The following MYOCD variants were observed in gnomAD, a reference collection of about 807,000 sequenced individuals.
MYOCD encodes the protein myocardin.
In MYOCD, 32 loss-of-function variants were observed where a neutral mutation model predicts 96.1. The observed-to-expected ratio is 0.33, with a 90% CI of 0.25 to 0.45. MYOCD has a LOEUF of 0.45. Among genes scored for constraint, MYOCD ranks in the 20% least tolerant of loss-of-function variants. MYOCD has a pLI of 1.00. For synonymous variants in MYOCD, 469 were observed against 469.0 expected (o/e 1.00, Z 0.00); for missense variants, 1,133 against 1,200.6 (o/e 0.94, Z 0.83).
At chr17:12,681,946 A>C (rs1910491880) in intron 1 of MYOCD, among the ~76,000 whole-genome samples, 1 of 152,202 alleles carries the variant, frequency 6.6e-6, no homozygotes, top group African/African-American at 2.4e-5. Context: ...GCTAGGGAAC[A>C]GTTATCATTG....
At chr17:12,693,554 G>A in intron 1 of MYOCD, among the ~76,000 whole-genome samples, 1 of 151,552 alleles carries the variant, frequency 6.6e-6, no homozygotes, top group East Asian at 1.9e-4. Context: ...CGGTGGCAGT[G>A]AGCCAAGATT....
intron 5 of MYOCD, 147 bp downstream of exon 5, chr17:12,723,155 T>C (rs886694333): frequency 2.7e-6 from 2 of 748,812 alleles, no homozygotes; most frequent in Non-Finnish European, 4.2e-6. Flanking sequence ...TAATTCTCCA[T>C]AACCAGGGAT....
chr17:12,670,590 G>A (rs184186292), intron 1 of MYOCD, among the ~76,000 whole-genome samples: 5 of 152,206 alleles, frequency 3.3e-5, no homozygotes, highest in African/African-American at 1.2e-4. Flanking sequence ...TTCTAGTTTA[G>A]AACAAATAAT....
rs373702107 is a variant in MYOCD at position 12,712,233 on chromosome 17, C to T, written c.122-3286C>T. ...CGGAAGCTGCACTTAGAGAACGCTG[C>T]ACTCGTTGCCGCCCCAAGTCTCTGG... is the stretch of plus-strand genomic sequence containing the variant. On this transcript the variant is annotated intron_variant, in intron 2 of 13. Transcript: ENST00000425538. Among the ~76,000 whole-genome samples the T allele has an allele frequency of 2.2e-4, 33 of 152,284 alleles. No individual in the cohort carries two copies. The South Asian group carries it at 6.6e-3, about 31-fold the overall frequency.
At chr17:12,714,867 G>T (rs980653923) in intron 2 of MYOCD, among the ~76,000 whole-genome samples, 6 of 152,108 alleles carry the variant, frequency 3.9e-5, no homozygotes, top group African/African-American at 1.2e-4. Flanking sequence ...CAGGACCTAT[G>T]CTCCTAGCCC....
rs528346225 is a variant in MYOCD, at chr17:12,740,927, G to A, written c.717+1599G>A. ...CAAATTTTGTATTTTTAGTAAAGAC[G>A]GGGTTTCTCCATGTTGGTCAGGCTG... On this transcript the variant is annotated intron_variant, in intron 7 of 13. Coordinates refer to ENST00000425538, the MANE Select transcript of MYOCD (RefSeq NM_001146312.3). Among the ~76,000 whole-genome samples the A allele has an allele frequency of 4.7e-4, 71 of 152,004 alleles. 1 individual carries two copies. The highest frequency in any genetic ancestry group is 3.4e-3 in the Middle Eastern group (1 of 292).
chr17:12,731,203 A>G (rs921169515), intron 5 of MYOCD, among the ~76,000 whole-genome samples: 2 of 152,180 alleles, frequency 1.3e-5, no homozygotes, highest in Non-Finnish European at 2.9e-5. Context: ...GGGTCACACC[A>G]CGGAGCCAGG....
In MYOCD at chr17:12,717,355, T is replaced by A; in HGVS notation, c.187T>A (p.Ser63Thr). 6.2e-7 allele frequency: 1 copy of A among 1,613,958 alleles called. No individual in the cohort carries two copies. The highest frequency in any genetic ancestry group is 1.7e-5 in the Admixed American group (1 of 60,006). ...TGTTTGGGTTCTACAGGCTAAAAAT[T>A]CCCTGAAGCGCAAAGCCAGAAACAG... ...KHLDSDKAKN[S>T]LKRKARNRCN... is the part of the protein sequence containing the mutation. The change falls in exon 4 of 14, where the codon TCC becomes ACC. Residue 63 changes from serine (S) to threonine (T), a missense_variant. Transcript: ENST00000425538.
intron 5 of MYOCD, among the ~76,000 whole-genome samples, chr17:12,733,911 C>G (rs971874901): frequency 6.6e-6 from 1 of 151,802 alleles, no homozygotes; most frequent in African/African-American, 2.4e-5. Context: ...AAAATGTGCC[C>G]CCTTCCTGAA....
chr17:12,681,372 T>C (rs1384402682), intron 1 of MYOCD, among the ~76,000 whole-genome samples: 1 of 152,194 alleles, frequency 6.6e-6, no homozygotes, highest in Non-Finnish European at 1.5e-5. Context: ...GCTTTGTGAG[T>C]GAGAGAGAAT....
chr17:12,679,394 T>C (rs900909172), intron 1 of MYOCD, among the ~76,000 whole-genome samples: 1 of 152,156 alleles, frequency 6.6e-6, no homozygotes, highest in African/African-American at 2.4e-5. Context: ...TCACAAAGGA[T>C]TGTGTTCTTA....
At chr17:12,677,818 T>G (rs1910175602) in intron 1 of MYOCD, among the ~76,000 whole-genome samples, 1 of 152,062 alleles carries the variant, frequency 6.6e-6, no homozygotes, top group Non-Finnish European at 1.5e-5. Context: ...ATATTGATTC[T>G]AAATTCACAA....
Position 12,741,493 on chromosome 17 carries a change from A to C in MYOCD, c.717+2165A>C, listed in dbSNP as rs546344078. On this transcript the variant is annotated intron_variant, in intron 7 of 13. Transcript: ENST00000425538. ...GAGGCCGAGGCGGGCAGATCACCTG[A>C]GGTCAGGAGTTCGAGACCAGCCTGG... Among the ~76,000 whole-genome samples the C allele has an allele frequency of 4.5e-4, 68 of 152,302 alleles. No homozygotes were observed. The East Asian group carries it at 6.2e-3, about 14-fold the overall frequency.
intron 5 of MYOCD, among the ~76,000 whole-genome samples, chr17:12,723,225 A>C (rs1365646440): frequency 6.6e-6 from 1 of 152,188 alleles, no homozygotes; most frequent in African/African-American, 2.4e-5. Context: ...AACACAGGGT[A>C]ATTTTGCTCT....
rs374635076 is a variant in MYOCD, at chr17:12,730,933, G to T, written c.416-5228G>T. Among the ~76,000 whole-genome samples the T allele has an allele frequency of 2.2e-4, 34 of 152,294 alleles. 1 individual carries two copies. The South Asian group carries it at 6.2e-3, about 28-fold the overall frequency. ...TAATCTTGGCATTTTAAATGTTTAT[G>T]CAAAGAAAGTACAGCTGACTCATTC... is the stretch of plus-strand genomic sequence containing the variant. On this transcript the variant is annotated intron_variant, in intron 5 of 13. Transcript: ENST00000425538.
intron 6 of MYOCD, among the ~76,000 whole-genome samples, chr17:12,737,005 G>A (rs1244853719): frequency 1.3e-5 from 2 of 152,128 alleles, no homozygotes; most frequent in African/African-American, 4.8e-5. Flanking sequence ...CTGCAATCCC[G>A]GCACTTTGGG....
intron 7 of MYOCD, among the ~76,000 whole-genome samples, chr17:12,741,070 C>T (rs2032491709): frequency 6.6e-6 from 1 of 152,140 alleles, no homozygotes. Flanking sequence ...GATTTGGGAA[C>T]ACGTTTTCTC....
chr17:12,696,086 C>A (rs1245973035), intron 1 of MYOCD, among the ~76,000 whole-genome samples: 1 of 152,020 alleles, frequency 6.6e-6, no homozygotes, highest in Non-Finnish European at 1.5e-5. Flanking sequence ...TAGACAGAGT[C>A]TCGCCCTGTT....
In MYOCD at chr17:12,735,161, C is replaced by T. The variant is rs16946539; in HGVS notation, c.416-1000C>T. Among the ~76,000 whole-genome samples the T allele has an allele frequency of 8.6e-3, 1,307 of 152,296 alleles. 38 individuals are homozygous for T. Among genetic ancestry groups the T allele is most frequent in the Admixed American group, 0.072 (1,099 of 15,298 alleles). On this transcript the variant is annotated intron_variant, in intron 5 of 13. Coordinates refer to ENST00000425538, the MANE Select transcript of MYOCD (RefSeq NM_001146312.3). ...GCTCCTTTCTCTTATCTGCACAAGG[C>T]AAGAGTCAAAAGTTCTTGTCAGTGT...
Sources: gnomAD v4.1 joint callset for allele counts (sites outside exome capture counted in the v4.1 genomes callset) on GRCh38, gnomAD v4.1.1 for gene constraint, MANE v1.5 for transcripts, NCBI Gene and HGNC (gene_info 2026-07-23, HGNC 2026-07-21) for gene names.